PTPRD: variants seen among roughly 807,000 people sequenced by gnomAD.
The protein encoded by PTPRD is protein tyrosine phosphatase receptor type D.
Under a neutral mutation model 214.5 loss-of-function variants are expected in PTPRD, and 34 were observed. That is an observed-to-expected ratio of 0.16 (90% confidence interval 0.12 to 0.21). The LOEUF is 0.21. Among genes scored for constraint, PTPRD ranks in the 10% least tolerant of loss-of-function variants. The pLI is 1.00. For synonymous variants in PTPRD, 1,128 were observed against 845.7 expected (o/e 1.33, Z -5.79); for missense variants, 2,545 against 2,398.7 (o/e 1.06, Z -1.27).
At chr9:9,239,551 G>T (rs1278535274) in intron 9 of PTPRD, among the ~76,000 whole-genome samples, 1 of 152,178 alleles carries the variant, frequency 6.6e-6, no homozygotes, top group Non-Finnish European at 1.5e-5. Flanking sequence ...ATACTTGCCT[G>T]ATTTATTGGT....
At chr9:8,369,595 C>T (rs1318116634) in intron 39 of PTPRD, among the ~76,000 whole-genome samples, 1 of 151,574 alleles carries the variant, frequency 6.6e-6, no homozygotes, top group African/African-American at 2.4e-5. Flanking sequence ...TTAAGTGATA[C>T]TCAGGAAGCT....
Position 9,189,195 on chromosome 9 carries a change from G to T in PTPRD, c.-202-5832C>A, listed in dbSNP as rs534512975. On this transcript the variant is annotated intron_variant, in intron 9 of 45. Transcript: ENST00000381196. ...GTAATTATTTTATGATTATCACATAGAAGGTGCTTTTGAAAAAATATCCTC... is the reference window on the plus strand; with the variant it reads ...GTAATTATTTTATGATTATCACATATAAGGTGCTTTTGAAAAAATATCCTC... Among the ~76,000 whole-genome samples, 4 of 152,144 alleles carry T rather than the reference G, an allele frequency of 2.6e-5. No homozygotes were observed. In the South Asian group the frequency reaches 8.3e-4, roughly 32 times the overall value.
chr9:10,446,631 A>C (rs549365371), intron 2 of PTPRD, among the ~76,000 whole-genome samples: 1 of 152,022 alleles, frequency 6.6e-6, no homozygotes, highest in Non-Finnish European at 1.5e-5. Flanking sequence ...AAGTGTGCCT[A>C]AGTGAAGTTG....
rs1567404770 is a variant in PTPRD at position 10,060,833 on chromosome 9, TTCCTTCCTTCCTTTC to T, written c.-544-27058_-544-27044del. 4.7e-4 allele frequency among the ~76,000 whole-genome samples: 60 copies of T among 128,444 alleles called. 5 individuals are homozygous for T. The highest frequency in any genetic ancestry group is 2.5e-3 in the African/African-American group (52 of 21,068). The allele number at this position is 128,444 out of a possible 152,430, so 84.3% of individuals were successfully genotyped here. ...CTTTCTTTCTTTCTTTCTTTCTTCC[TTCCTTCCTTCCTTTC>T]CTTTCTTTCTTCCTTCCTTCTTTCC... On this transcript the variant is annotated intron_variant, in intron 3 of 45. Transcript: ENST00000381196.
At chr9:8,755,517 G>A (rs112415740) in intron 11 of PTPRD, among the ~76,000 whole-genome samples, 2,354 of 133,732 alleles carry the variant, frequency 0.018, 71 homozygotes, top group African/African-American at 0.067. Context: ...CAACAAGAGT[G>A]AAACTCTGTC....
intron 39 of PTPRD, among the ~76,000 whole-genome samples, chr9:8,370,247 T>C (rs924803921): frequency 2.6e-5 from 4 of 151,008 alleles, no homozygotes; most frequent in African/African-American, 9.7e-5. Flanking sequence ...CATATATATA[T>C]ATGTGCTGTG....
At chr9:9,885,975 C>T (rs959232854) in intron 5 of PTPRD, among the ~76,000 whole-genome samples, 30 of 148,982 alleles carry the variant, frequency 2.0e-4, no homozygotes, top group Non-Finnish European at 4.4e-4. Flanking sequence ...CTTACAAAAC[C>T]CCACATATTA....
intron 9 of PTPRD, among the ~76,000 whole-genome samples, chr9:9,199,346 T>C (rs2099940531): frequency 6.6e-6 from 1 of 152,208 alleles, no homozygotes; most frequent in African/African-American, 2.4e-5. Flanking sequence ...TTATGTAAAA[T>C]ACCTGTTAGA....
intron 11 of PTPRD, among the ~76,000 whole-genome samples, chr9:8,920,050 T>C (rs2098816576): frequency 6.6e-6 from 1 of 152,038 alleles, no homozygotes; most frequent in Non-Finnish European, 1.5e-5. Flanking sequence ...ATATATATTT[T>C]AAAAATGAGG....
At chr9:8,419,916 A>G (rs558557800) in intron 35 of PTPRD, among the ~76,000 whole-genome samples, 27 of 152,278 alleles carry the variant, frequency 1.8e-4, no homozygotes, top group African/African-American at 6.3e-4. Flanking sequence ...TGTTTAAAAA[A>G]TTAGGAAATA....
At chr9:9,931,746 A>G (rs372737978) in intron 5 of PTPRD, among the ~76,000 whole-genome samples, 50 of 151,774 alleles carry the variant, frequency 3.3e-4, no homozygotes, top group East Asian at 9.8e-4. Context: ...AGGCCTGCCT[A>G]CCTCTGTAGG....
chr9:9,423,312 C>A (rs2079540126), intron 8 of PTPRD, among the ~76,000 whole-genome samples: 1 of 152,046 alleles, frequency 6.6e-6, no homozygotes, highest in South Asian at 2.1e-4. Flanking sequence ...GAATAAGAGA[C>A]CAGGGTTCTC....
chr9:8,569,636 C>T (rs1171597404), intron 14 of PTPRD, among the ~76,000 whole-genome samples: 2 of 151,106 alleles, frequency 1.3e-5, no homozygotes, highest in East Asian at 1.9e-4. Flanking sequence ...TTTGGCTTAT[C>T]GATTCCTTTT....
chr9:9,687,736 T>C (rs1028495132), intron 7 of PTPRD, among the ~76,000 whole-genome samples: 8 of 151,792 alleles, frequency 5.3e-5, no homozygotes, highest in African/African-American at 1.9e-4. Context: ...ATTTTATTGG[T>C]CTCAATTGGT....
chr9:8,589,809 C>G (rs16928146), intron 14 of PTPRD, among the ~76,000 whole-genome samples: 9,695 of 152,214 alleles, frequency 0.064, 488 homozygotes, highest in African/African-American at 0.12. Flanking sequence ...TGTGCCTACA[C>G]AACCTGTTAT....
At chr9:9,241,015 T>C (rs2099970117) in intron 9 of PTPRD, among the ~76,000 whole-genome samples, 2 of 152,168 alleles carry the variant, frequency 1.3e-5, no homozygotes, top group African/African-American at 4.8e-5. Context: ...TTTAAGATTA[T>C]ACCATTGGAC....
At chr9:9,532,063 A>G (rs1474067237) in intron 8 of PTPRD, among the ~76,000 whole-genome samples, 2 of 152,160 alleles carry the variant, frequency 1.3e-5, no homozygotes, top group Non-Finnish European at 2.9e-5. Flanking sequence ...TGGTAAAAAT[A>G]TGAGCATAAA....
chr9:9,216,893 A>C (rs2133157154), intron 9 of PTPRD, among the ~76,000 whole-genome samples: 1 of 152,292 alleles, frequency 6.6e-6, no homozygotes, highest in South Asian at 2.1e-4. Flanking sequence ...ACTTTTGGTT[A>C]CCAACATTTA....
chr9:9,436,548 T>G (rs1278633720), intron 8 of PTPRD, among the ~76,000 whole-genome samples: 1 of 152,130 alleles, frequency 6.6e-6, no homozygotes, highest in Non-Finnish European at 1.5e-5. Flanking sequence ...TCCTTTAAAT[T>G]TATTGGTAAA....
Sources: allele counts gnomAD v4.1 joint callset (sites outside exome capture counted in the v4.1 genomes callset), GRCh38; gene constraint gnomAD v4.1.1; transcripts MANE v1.5; gene names NCBI Gene and HGNC (gene_info 2026-07-23, HGNC 2026-07-21).